The following TENM3 variants were observed in gnomAD, a reference collection of about 807,000 sequenced individuals.
TENM3 encodes teneurin-3.
In TENM3, 63 loss-of-function variants were observed where a neutral mutation model predicts 255.1. That is an observed-to-expected ratio of 0.25 (90% CI 0.20 to 0.30). TENM3 has a LOEUF of 0.30. Ranked by LOEUF, TENM3 falls within the 10% of genes least tolerant of loss-of-function variation. The probability of loss-of-function intolerance (pLI) is 1.00; values close to 1 mark genes in which losing one functional copy is unlikely to be tolerated. For synonymous variants in TENM3, 1,306 were observed against 1,322.3 expected, an observed-to-expected ratio of 0.99 and a Z score of 0.27; for missense variants, 2,929 against 3,461.1, an observed-to-expected ratio of 0.85 and a Z score of 3.86.
At chr4:182,197,273 G>A (rs970338886) in intron 1 of TENM3, among the ~76,000 whole-genome samples, 3 of 152,154 alleles carry the variant, frequency 2.0e-5, no homozygotes, top group Admixed American at 1.3e-4. Flanking sequence ...CAAAGCTTGG[G>A]GTTAATACCC....
intron 3 of TENM3, among the ~76,000 whole-genome samples, chr4:182,598,617 C>T (rs1747522864): frequency 6.6e-6 from 1 of 152,144 alleles, no homozygotes; most frequent in Non-Finnish European, 1.5e-5. Flanking sequence ...TAACAGTGTT[C>T]TTGTCCATAA....
the TENM3 span, among the ~76,000 whole-genome samples, chr4:182,105,477 A>G: frequency 6.6e-6 from 1 of 152,178 alleles, no homozygotes; most frequent in Non-Finnish European, 1.5e-5. Flanking sequence ...ATAATTTGCT[A>G]CAGGGACTCA....
chr4:181,660,291 T>C, the TENM3 span, among the ~76,000 whole-genome samples: 3 of 152,154 alleles, frequency 2.0e-5, no homozygotes, highest in Non-Finnish European at 4.4e-5. Flanking sequence ...TTGTTCTGTT[T>C]ATTGTGCCCA....
At chr4:182,693,259 A>G (rs1757146122) in intron 12 of TENM3, among the ~76,000 whole-genome samples, 1 of 152,154 alleles carries the variant, frequency 6.6e-6, no homozygotes, top group African/African-American at 2.4e-5. Context: ...TAAAAAAGGT[A>G]TGGGCTTTGA....
chr4:181,538,529 G>T, the TENM3 span, among the ~76,000 whole-genome samples: 79 of 151,856 alleles, frequency 5.2e-4, no homozygotes, highest in South Asian at 2.5e-3. Flanking sequence ...CAGAGTAGGG[G>T]TGGGGTGGGG....
chr4:181,948,157 T>C, the TENM3 span, among the ~76,000 whole-genome samples: 1 of 152,190 alleles, frequency 6.6e-6, no homozygotes, highest in Non-Finnish European at 1.5e-5. Context: ...CATGCAATAA[T>C]TTATTCCAAT....
chr4:181,528,886 T>TAC, the TENM3 span, among the ~76,000 whole-genome samples: 929 of 114,430 alleles, frequency 8.1e-3, 9 homozygotes, highest in African/African-American at 0.024. Flanking sequence ...CACACACACA[T>TAC]ACACACACAC....
At chr4:182,263,277 T>G (rs1758988711) in intron 1 of TENM3, among the ~76,000 whole-genome samples, 1 of 152,000 alleles carries the variant, frequency 6.6e-6, no homozygotes, top group South Asian at 2.1e-4. Context: ...AGTGGTGGGT[T>G]CCTGGGTAAA....
chr4:181,601,672 C>G, the TENM3 span, among the ~76,000 whole-genome samples: 1 of 151,988 alleles, frequency 6.6e-6, no homozygotes, highest in Non-Finnish European at 1.5e-5. Context: ...GTTTTAGTTG[C>G]CTTTCACTTT....
chr4:182,445,260 GT>G (rs1396566840), intron 3 of TENM3, among the ~76,000 whole-genome samples: 1 of 152,146 alleles, frequency 6.6e-6, no homozygotes, highest in African/African-American at 2.4e-5. Context: ...CTAAGCTCCA[GT>G]TCTTCATCTA....
At chr4:182,755,563 G>C (rs1408573375) in intron 22 of TENM3, among the ~76,000 whole-genome samples, 2 of 151,986 alleles carry the variant, frequency 1.3e-5, no homozygotes, top group African/African-American at 4.8e-5. Context: ...AAATGGCCGG[G>C]CGCAGTGGCT....
Position 182,381,128 on chromosome 4 carries a change from G to A in TENM3, c.511+34199G>A, listed in dbSNP as rs1767533893. Among the ~76,000 whole-genome samples the A allele has an allele frequency of 1.3e-5, 2 of 152,234 alleles. 1 individual carries two copies. The highest frequency in any genetic ancestry group is 4.1e-4 in the South Asian group (2 of 4,836). ...CAGACAGCTGTGAGAGTCCCGACCA[G>A]GGCTGAGCTGAGGAGTGAGAGCAGG... On this transcript the variant is annotated intron_variant, in intron 3 of 27. Transcript: ENST00000511685.
chr4:182,367,389 T>C (rs942346972), intron 3 of TENM3, among the ~76,000 whole-genome samples: 8 of 152,084 alleles, frequency 5.3e-5, no homozygotes, highest in African/African-American at 1.9e-4. Context: ...ACTGTCTCTG[T>C]GGGTAGTGTC....
At chr4:182,313,741 A>G (rs1762583798) in intron 1 of TENM3, among the ~76,000 whole-genome samples, 1 of 152,138 alleles carries the variant, frequency 6.6e-6, no homozygotes, top group African/African-American at 2.4e-5. Context: ...TCTCTCTCTC[A>G]GGAGAGTTTC....
At chr4:181,613,430 G>C in the TENM3 span, among the ~76,000 whole-genome samples, 2 of 152,188 alleles carry the variant, frequency 1.3e-5, no homozygotes, top group Non-Finnish European at 1.5e-5. Flanking sequence ...AGGCCCATCA[G>C]TCTCCCCAGA....
At chr4:182,118,681 T>C in the TENM3 span, among the ~76,000 whole-genome samples, 1 of 152,192 alleles carries the variant, frequency 6.6e-6, no homozygotes, top group Non-Finnish European at 1.5e-5. Context: ...AGGTGTTAGA[T>C]TTTATCAGAT....
intron 1 of TENM3, among the ~76,000 whole-genome samples, chr4:182,287,611 G>GTTTATTTATTTAATTTTATT (rs1554043841): frequency 3.3e-5 from 5 of 150,954 alleles, no homozygotes; most frequent in African/African-American, 7.3e-5. Context: ...TTCATTTATT[G>GTTTATTTATTTAATTTTATT]TTTATTTATT....
intron 1 of TENM3, among the ~76,000 whole-genome samples, chr4:182,283,113 C>T (rs17072960): frequency 0.012 from 1,834 of 152,108 alleles, 24 homozygotes; most frequent in Admixed American, 0.023. Flanking sequence ...GGATACTTAC[C>T]GCATTTTTAA....
intron 1 of TENM3, among the ~76,000 whole-genome samples, chr4:182,237,978 A>G (rs1436165922): frequency 6.6e-6 from 1 of 152,232 alleles, no homozygotes; most frequent in East Asian, 1.9e-4. Context: ...ATATGTCTAG[A>G]AATAATAGCT....
Sources: allele counts gnomAD v4.1 joint callset (sites outside exome capture counted in the v4.1 genomes callset), GRCh38; gene constraint gnomAD v4.1.1; transcripts MANE v1.5; gene names NCBI Gene and HGNC (gene_info 2026-07-23, HGNC 2026-07-21).